The following MYLK variants were observed in gnomAD, a reference collection of about 807,000 sequenced individuals.
MYLK encodes myosin light chain kinase, smooth muscle.
Under a neutral mutation model 203.4 loss-of-function variants are expected in MYLK, and 106 were observed. That is an observed-to-expected ratio of 0.52 (90% confidence interval 0.45 to 0.61). The LOEUF is 0.61. Among genes scored for constraint, MYLK ranks in the 20% least tolerant of loss-of-function variants. MYLK has a pLI of 0.00. For missense variants in MYLK, 2,072 were observed against 2,442.3 expected (o/e 0.85, Z 3.20); for synonymous variants, 867 against 959.5 (o/e 0.90, Z 1.78).
intron 4 of MYLK, among the ~76,000 whole-genome samples, chr3:123,793,174 T>C (rs2064849437): frequency 6.6e-6 from 1 of 152,164 alleles, no homozygotes; most frequent in Non-Finnish European, 1.5e-5. Context: ...TAACGGCAAG[T>C]GACCAGTATT....
chr3:123,860,925 T>C (rs541227221), intron 2 of MYLK, among the ~76,000 whole-genome samples: 59 of 152,054 alleles, frequency 3.9e-4, no homozygotes, highest in African/African-American at 1.4e-3. Context: ...AGTCAGGAGA[T>C]TGAGACCATC....
chr3:123,867,255 C>T lies in MYLK; in HGVS notation c.-127+9304G>A, dbSNP rs74475282. Among the ~76,000 whole-genome samples the T allele has an allele frequency of 3.5e-3, 538 of 152,148 alleles. 3 individuals are homozygous for T. The highest frequency in any genetic ancestry group is 0.011 in the South Asian group (54 of 4,810). On this transcript the variant is annotated intron_variant, in intron 2 of 33. Transcript: ENST00000360304. ...ACATGTTCCATTTTCTCTTCCCAATCCATCTGTCATGGGTTGAAGTGTGTC... is the reference window on the plus strand; with the variant it reads ...ACATGTTCCATTTTCTCTTCCCAATTCATCTGTCATGGGTTGAAGTGTGTC...
intron 29 of MYLK, among the ~76,000 whole-genome samples, chr3:123,633,586 A>G (rs964895467): frequency 2.0e-5 from 3 of 152,178 alleles, no homozygotes; most frequent in Admixed American, 1.3e-4. Flanking sequence ...TGGATGCTTT[A>G]CTTTTTCTTC....
intron 9 of MYLK, chr3:123,734,491 G>A (rs532626570): frequency 5.3e-5 from 20 of 378,524 alleles, no homozygotes; most frequent in South Asian, 8.8e-5. Flanking sequence ...TAGTGCCTCC[G>A]TAGTTCAACC....
intron 11 of MYLK, among the ~76,000 whole-genome samples, chr3:123,729,716 A>C (rs765372675): frequency 1.3e-4 from 20 of 150,574 alleles, no homozygotes; most frequent in Non-Finnish European, 2.1e-4. Flanking sequence ...CCTTTTATCT[A>C]CAAAAATAAA....
intron 4 of MYLK, among the ~76,000 whole-genome samples, chr3:123,753,390 C>T (rs1006990126): frequency 1.4e-4 from 21 of 151,986 alleles, no homozygotes; most frequent in Non-Finnish European, 1.5e-4. Flanking sequence ...AGACCACTTG[C>T]CTTTCTCTAA....
chr3:123,746,808 T>TA (rs11412208), intron 5 of MYLK, among the ~76,000 whole-genome samples: 135,658 of 152,094 alleles, frequency 0.89, 62,424 homozygotes, highest in East Asian at 1. Flanking sequence ...GCCTAGATTT[T>TA]AAAAAATAGG....
rs13084135 is a variant in MYLK, at chr3:123,640,870, T to C, written c.4620-366A>G. On this transcript the variant is annotated intron_variant, in intron 27 of 33. Coordinates refer to ENST00000360304, the MANE Select transcript of MYLK (RefSeq NM_053025.4). The surrounding 1 kb of genome is among the most constrained non-coding windows in gnomAD (Gnocchi z 4.3). ...CCACACATGCCTAAGGGAACATTCT[T>C]GTACTCTAGCCGTGTCTTTTAGTCA... 0.12 allele frequency among the ~76,000 whole-genome samples: 18,452 copies of C among 152,238 alleles called. 2,627 individuals carry two copies. The highest frequency in any genetic ancestry group is 0.6 in the East Asian group (3,080 of 5,172).
chr3:123,875,150 C>G (rs370733628), intron 2 of MYLK, among the ~76,000 whole-genome samples: 14 of 152,116 alleles, frequency 9.2e-5, no homozygotes, highest in Non-Finnish European at 1.9e-4. Flanking sequence ...CTATGTTCAC[C>G]TAAAAATCTG....
intron 3 of MYLK, among the ~76,000 whole-genome samples, chr3:123,827,434 T>G (rs2066156755): frequency 6.6e-6 from 1 of 151,532 alleles, no homozygotes; most frequent in South Asian, 2.1e-4. Context: ...TATAAGGGAA[T>G]CTCTATTAGA....
intron 3 of MYLK, among the ~76,000 whole-genome samples, chr3:123,811,479 A>T (rs1297720808): frequency 1.3e-5 from 2 of 152,210 alleles, no homozygotes; most frequent in Admixed American, 6.5e-5. Flanking sequence ...GGAAAGTGGG[A>T]TGGAAAATTA....
chr3:123,699,997 C>G (rs2061116576), intron 18 of MYLK, 23 bp downstream of exon 18: 35 of 1,613,980 alleles, frequency 2.2e-5, no homozygotes, highest in Non-Finnish European at 2.9e-5. Flanking sequence ...GCCCCTTCTT[C>G]CCCAACCCCC....
chr3:123,716,053 T>C (rs1443630752), intron 13 of MYLK: 1 of 152,232 alleles, frequency 6.6e-6, no homozygotes, highest in East Asian at 1.9e-4. Flanking sequence ...CCTGTTATAC[T>C]ATGGAAATTC....
At chr3:123,841,778 G>A (rs1431694223) in intron 2 of MYLK, among the ~76,000 whole-genome samples, 2 of 152,126 alleles carry the variant, frequency 1.3e-5, no homozygotes, top group Admixed American at 6.6e-5. Flanking sequence ...CAGAATGCTA[G>A]GGTTTAGAGA....
At chr3:123,711,047 C>T (rs1419874765) in intron 13 of MYLK, among the ~76,000 whole-genome samples, 6 of 151,766 alleles carry the variant, frequency 4.0e-5, no homozygotes, top group Admixed American at 3.9e-4. Context: ...GCCATGATCA[C>T]ACCACTGCAC....
At chr3:123,865,997 C>T (rs2032302677) in intron 2 of MYLK, among the ~76,000 whole-genome samples, 1 of 152,116 alleles carries the variant, frequency 6.6e-6, no homozygotes, top group South Asian at 2.1e-4. Flanking sequence ...TCCAGGTATC[C>T]CAGCTGAGCC....
chr3:123,809,985 G>A (rs2065500983), intron 3 of MYLK, among the ~76,000 whole-genome samples: 1 of 152,124 alleles, frequency 6.6e-6, no homozygotes. Flanking sequence ...TGAGAAGATG[G>A]GACTCTCCTG....
At chr3:123,728,186 A>G (rs926643513) in intron 11 of MYLK, among the ~76,000 whole-genome samples, 6 of 152,216 alleles carry the variant, frequency 3.9e-5, no homozygotes, top group African/African-American at 1.4e-4. Flanking sequence ...CAGGCTTGCA[A>G]CATTCTGAGG....
At chr3:123,735,754 G>A (rs1387054291) in intron 8 of MYLK, 4 of 299,342 alleles carry the variant, frequency 1.3e-5, no homozygotes, top group East Asian at 6.0e-5. Flanking sequence ...TAACTTACCA[G>A]TGTACAGAAA....
Sources: gnomAD v4.1 joint callset for allele counts (sites outside exome capture counted in the v4.1 genomes callset) on GRCh38, gnomAD v4.1.1 for gene constraint, Gnocchi (gnomAD v3.1) non-coding constraint, MANE v1.5 for transcripts, NCBI Gene and HGNC (gene_info 2026-07-23, HGNC 2026-07-21) for gene names.